ATAD2B: variants seen among roughly 807,000 people sequenced by gnomAD.
ATAD2B encodes ATPase family AAA domain containing 2B.
ATAD2B carries 40 observed loss-of-function variants against 167.6 expected under a neutral mutation model. The ratio of observed to expected loss-of-function variants is 0.24; its 90% confidence interval spans 0.19 to 0.31. The LOEUF (loss-of-function observed/expected upper bound fraction) is 0.31. ATAD2B is among the 10% of genes least tolerant of loss of function. The pLI, the probability that ATAD2B is intolerant of heterozygous loss-of-function variation, is 1.00. For missense variants in ATAD2B, 1,242 were observed against 1,757.2 expected, an observed-to-expected ratio of 0.71 and a Z score of 5.24; for synonymous variants, 579 against 596.5, an observed-to-expected ratio of 0.97 and a Z score of 0.43.
At position 23,927,081 on chromosome 2, in the gene ATAD2B, C is replaced by T. The variant is rs894070026; in HGVS notation, c.-311G>A. Reference sequence around the variant, plus strand: ...CCCCTTTCTCTCCCGTTCTCGCTCTCGAGCTCCGTGCGTCAAGGCTCCAGC... The same window carrying T: ...CCCCTTTCTCTCCCGTTCTCGCTCTTGAGCTCCGTGCGTCAAGGCTCCAGC... On this transcript the variant is annotated 5_prime_UTR_variant, in exon 1 of 28. Coordinates refer to ENST00000238789, the MANE Select transcript of ATAD2B (RefSeq NM_017552.4). The T allele has an allele frequency of 9.6e-6, 3 of 312,184 alleles. No homozygotes were observed. The highest frequency in any genetic ancestry group is 7.0e-5 in the South Asian group (1 of 14,378). 19.3% of individuals were successfully genotyped at this position (312,184 alleles called of 1,614,324 possible).
intron 19 of ATAD2B, 61 bp downstream of exon 19, chr2:23,798,077 A>T: frequency 1.8e-6 from 2 of 1,129,206 alleles, no homozygotes; most frequent in Non-Finnish European, 2.4e-6. Context: ...TGTCCAATTT[A>T]CAGAGTCAAC....
At position 23,758,098 on chromosome 2, in the gene ATAD2B, C is replaced by T. The variant is rs758225871; in HGVS notation, c.3398G>A (p.Arg1133Gln). 11 of 1,559,780 alleles carry T rather than the reference C, an allele frequency of 7.1e-6. No homozygotes were observed. Among genetic ancestry groups the T allele is most frequent in the Admixed American group, 2.0e-5 (1 of 49,918 alleles). Residue 1133 changes from arginine to glutamine, a missense_variant, in exon 25 of 28, where the codon CGG becomes CAG. This residue lies in a region of ATAD2B where 204 missense variants were observed against 324.0 expected (regional missense o/e 0.63). Transcript: ENST00000238789. The stretch of plus-strand genomic sequence containing the variant: ...TCTCCGCCTTGATTTTCTCCGAACC[C>T]GAACTGTTTTACAAGGAAGGAAAAA... ...WHNSANKCAF[R>Q]VRRKSRRRSQ... is the part of the protein sequence containing the mutation.
intron 13 of ATAD2B, among the ~76,000 whole-genome samples, chr2:23,849,316 A>G (rs902058308): frequency 3.9e-5 from 6 of 152,204 alleles, no homozygotes; most frequent in Non-Finnish European, 7.3e-5. Flanking sequence ...GATAAAAATA[A>G]ATTTCAAAAT....
the ATAD2B span, among the ~76,000 whole-genome samples, chr2:23,737,884 G>A: frequency 8.5e-5 from 13 of 152,154 alleles, no homozygotes; most frequent in Admixed American, 3.9e-4. Context: ...ACCAAGGCAC[G>A]AGAGCTACGT....
At chr2:23,847,929 G>A (rs1481170688) in intron 13 of ATAD2B, among the ~76,000 whole-genome samples, 2 of 149,876 alleles carry the variant, frequency 1.3e-5, no homozygotes, top group Admixed American at 1.3e-4. Flanking sequence ...GGAGGCGGAG[G>A]TTGCAGTGAG....
chr2:23,804,438 C>G (rs75542053), intron 18 of ATAD2B, among the ~76,000 whole-genome samples: 351 of 152,154 alleles, frequency 2.3e-3, no homozygotes, highest in African/African-American at 8.1e-3. Context: ...ACTTCTAACC[C>G]AGAAGCTCTT....
chr2:23,872,966 T>A, intron 8 of ATAD2B: 1 of 747,784 alleles, frequency 1.3e-6, no homozygotes, highest in Non-Finnish European at 2.5e-6. Flanking sequence ...TTCTCCAGGT[T>A]CCAGGTGCTC....
chr2:23,773,233 T>A (rs767299478), intron 22 of ATAD2B, among the ~76,000 whole-genome samples: 52 of 152,232 alleles, frequency 3.4e-4, no homozygotes, highest in Non-Finnish European at 6.8e-4. Flanking sequence ...TGGTTGGGCA[T>A]GTTGGCTCAC....
chr2:23,729,112 T>C, the ATAD2B span, among the ~76,000 whole-genome samples: 3 of 152,200 alleles, frequency 2.0e-5, no homozygotes, highest in African/African-American at 4.8e-5. Context: ...TCTGTCCCCA[T>C]GATCCAATCA....
intron 21 of ATAD2B, 112 bp from the exon 22 acceptor site, chr2:23,783,140 AATAATTT>A: frequency 1.9e-6 from 1 of 530,384 alleles, no homozygotes; most frequent in Non-Finnish European, 3.1e-6. Flanking sequence ...ATATCAAATA[AATAATTT>A]ATAAAGATAA....
At chr2:23,688,597 AC>A in the ATAD2B span, among the ~76,000 whole-genome samples, 1 of 151,660 alleles carries the variant, frequency 6.6e-6, no homozygotes, top group African/African-American at 2.4e-5. Flanking sequence ...TCTCCTGGGC[AC>A]CCCCACGCCC....
rs781201934 is a variant in ATAD2B at position 23,782,852 on chromosome 2, G to C, written c.3133+17C>G. 6 of 1,595,396 alleles carry C rather than the reference G, an allele frequency of 3.8e-6. No individual in the cohort carries two copies. In the South Asian group the frequency reaches 6.8e-5, roughly 18 times the overall value. On this transcript the variant is annotated intron_variant, in intron 22 of 27. Coordinates refer to ENST00000238789, the MANE Select transcript of ATAD2B (RefSeq NM_017552.4). ...CTGATTGATTATCAAGGGGAACCTT[G>C]CCCTATGCATCCTTACCTCCTGGGT...
the ATAD2B span, among the ~76,000 whole-genome samples, chr2:23,711,503 G>C: frequency 6.6e-6 from 1 of 151,520 alleles, no homozygotes; most frequent in South Asian, 2.1e-4. Flanking sequence ...CCAAGTAGCT[G>C]GGATTACAAG....
chr2:23,818,859 T>C (rs1156449554), intron 17 of ATAD2B, among the ~76,000 whole-genome samples: 1 of 152,260 alleles, frequency 6.6e-6, no homozygotes, highest in Non-Finnish European at 1.5e-5. Flanking sequence ...GTTTACCTAT[T>C]ATAGTGCACA....
chr2:23,715,905 A>G, the ATAD2B span, among the ~76,000 whole-genome samples: 1 of 152,214 alleles, frequency 6.6e-6, no homozygotes, highest in Non-Finnish European at 1.5e-5. Flanking sequence ...TTTCCATTAA[A>G]TATGTGACAT....
In ATAD2B at chr2:23,765,574, A is replaced by G; in HGVS notation, c.3188T>C (p.Ile1063Thr). ...CTLKDTAHAI[I>T]AAELDPEFNK... ...AAATTCTGGATCTAATTCAGCTGCAATGATAGCATGTGCAGTGTCCTTCAG... is the reference window on the plus strand; with the variant it reads ...AAATTCTGGATCTAATTCAGCTGCAGTGATAGCATGTGCAGTGTCCTTCAG... Residue 1063 changes from isoleucine (I) to threonine (T), a missense_variant, in exon 23 of 28, where the codon ATT becomes ACT. By Grantham distance (89) the Ile-to-Thr change is moderately conservative. Coordinates refer to ENST00000238789, the MANE Select transcript of ATAD2B (RefSeq NM_017552.4). 1 of 1,569,564 alleles carries G rather than the reference A, an allele frequency of 6.4e-7. No homozygotes were observed. The highest frequency in any genetic ancestry group is 8.7e-7 in the Non-Finnish European group (1 of 1,152,480).
intron 18 of ATAD2B, among the ~76,000 whole-genome samples, chr2:23,807,950 A>AATATATTTATAATATATATAAATATATAT (rs1205629285): frequency 3.6e-5 from 4 of 112,088 alleles, no homozygotes; most frequent in Admixed American, 3.1e-4. Flanking sequence ...TAAATATATA[A>AATATATTTATAATATATATAAATATATAT]ATATTTATAA....
Position 23,857,414 on chromosome 2 carries a change from C to T in ATAD2B, c.1568+1G>A. 1 of 1,481,740 alleles carries T rather than the reference C, an allele frequency of 6.7e-7. No homozygotes were observed. The allele number at this position is 1,481,740 out of a possible 1,614,324, so 91.8% of individuals were successfully genotyped here. A position where few individuals can be genotyped will look rare whatever the true frequency, so the allele number is the denominator to read the frequency against. On this transcript the variant is annotated splice_donor_variant, in intron 13 of 27. Transcript: ENST00000238789. LOFTEE classifies it high-confidence loss of function. ...AAGATAATCAGATAAAGAAAAATTA[C>T]CTGTGGATCTGATCTTGTCTGCTAG...
chr2:23,767,787 T>G (rs1677663297), intron 22 of ATAD2B, among the ~76,000 whole-genome samples: 1 of 152,070 alleles, frequency 6.6e-6, no homozygotes, highest in South Asian at 2.1e-4. Context: ...ATGACACAAT[T>G]TGGTGATAAA....
Sources: gnomAD v4.1 joint callset for allele counts (sites outside exome capture counted in the v4.1 genomes callset) on GRCh38, gnomAD v4.1.1 for gene constraint, gnomAD v4.1.1 regional missense constraint, MANE v1.5 for transcripts, NCBI Gene and HGNC (gene_info 2026-07-23, HGNC 2026-07-21) for gene names.